The following ADGRA3 variants were observed in gnomAD, a reference collection of about 807,000 sequenced individuals.
ADGRA3 encodes the protein G-protein coupled receptor 125.
A neutral mutation model predicts 119.8 loss-of-function variants in ADGRA3; 56 were observed. That is an observed-to-expected ratio of 0.47 (90% CI 0.38 to 0.58). The LOEUF (loss-of-function observed/expected upper bound fraction) is 0.58. Among genes scored for constraint, ADGRA3 ranks in the 20% least tolerant of loss-of-function variants. The probability of loss-of-function intolerance (pLI) is 0.00; values close to 1 mark genes in which losing one functional copy is unlikely to be tolerated. For missense variants in ADGRA3, 1,516 were observed against 1,649.0 expected (o/e 0.92, Z 1.40); for synonymous variants, 607 against 623.8 (o/e 0.97, Z 0.40).
At chr4:22,459,054 G>T (rs1206453845) in intron 3 of ADGRA3, among the ~76,000 whole-genome samples, 2 of 152,074 alleles carry the variant, frequency 1.3e-5, no homozygotes, top group African/African-American at 4.8e-5. Flanking sequence ...TAATCTTACA[G>T]AATTCTGACC....
chr4:22,504,153 T>C (rs550552573), intron 1 of ADGRA3, among the ~76,000 whole-genome samples: 10 of 151,816 alleles, frequency 6.6e-5, no homozygotes, highest in Non-Finnish European at 1.2e-4. Flanking sequence ...CCCCCAACCA[T>C]GGTGAGTACT....
rs1388322431 is a variant in ADGRA3, at chr4:22,397,990, CCT to C, written c.2481+3439_2481+3440del. 5.6e-6 allele frequency: 4 copies of C among 715,396 alleles called. No individual in the cohort carries two copies. In the African/African-American group the frequency reaches 7.7e-5, roughly 14 times the overall value. 44.3% of individuals were successfully genotyped at this position (715,396 alleles called of 1,614,324 possible). On this transcript the variant is annotated intron_variant, in intron 16 of 18. Transcript: ENST00000334304. ...CCGAAACAGTAACAATAAAGTGAGA[CCT>C]GCAAGGTAAGTGGGAGTCAGCGACA... is the stretch of plus-strand genomic sequence containing the variant.
chr4:22,392,444 T>G, intron 17 of ADGRA3, 101 bp downstream of exon 17: 1 of 1,412,796 alleles, frequency 7.1e-7, no homozygotes, highest in South Asian at 1.3e-5. Flanking sequence ...ACAAGTCCGT[T>G]CTTTTACTTC....
chr4:22,456,584 G>A (rs1398514582), intron 3 of ADGRA3, among the ~76,000 whole-genome samples: 1 of 152,176 alleles, frequency 6.6e-6, no homozygotes, highest in Non-Finnish European at 1.5e-5. Flanking sequence ...ACTGGGGACT[G>A]CAAGGTCAGC....
In ADGRA3 at chr4:22,441,222, T is replaced by C. The variant is rs543147216; in HGVS notation, c.920+1428A>G. 2.0e-5 allele frequency among the ~76,000 whole-genome samples: 3 copies of C among 152,270 alleles called. No individual in the cohort carries two copies. The East Asian group carries it at 5.8e-4, about 29-fold the overall frequency. ...GTCAGGCTGGAAGCCCAAACTTCTA[T>C]GTATAAAATGCACCAAGATCTCTTA... On this transcript the variant is annotated intron_variant, in intron 7 of 18. Coordinates refer to ENST00000334304, the MANE Select transcript of ADGRA3 (RefSeq NM_145290.4).
Position 22,424,268 on chromosome 4 carries a change from C to A in ADGRA3, c.1528G>T (p.Ala510Ser). The A allele has an allele frequency of 2.5e-6, 4 of 1,613,788 alleles. No homozygotes were observed. Among genetic ancestry groups the A allele is most frequent in the Non-Finnish European group, 3.4e-6 (4 of 1,179,900 alleles). Residue 510 changes from alanine to serine, a missense_variant, in exon 11 of 19, where the codon GCC becomes TCC. Around this residue, in one of 2 missense-constraint regions of ADGRA3, gnomAD observed 1,088 missense variants for 1,107.1 expected, o/e 0.98. Transcript: ENST00000334304. ...VLWLAQREAK[A>S]CSRIVQCLQR... ...AGACACTGCACAATCCTACTGCAGG[C>A]TTTAGCTTCCCTCTGCGCCAGCCAC... is the stretch of plus-strand genomic sequence containing the variant.
intron 3 of ADGRA3, 151 bp from the exon 4 acceptor site, chr4:22,455,088 A>G (rs1014621159): frequency 1.6e-6 from 1 of 621,476 alleles, no homozygotes; most frequent in African/African-American, 1.8e-5. Flanking sequence ...TGAGATAAGG[A>G]TAGCAGTGAG....
intron 2 of ADGRA3, among the ~76,000 whole-genome samples, chr4:22,465,929 C>T (rs916675087): frequency 6.6e-6 from 1 of 151,982 alleles, no homozygotes; most frequent in African/African-American, 2.4e-5. Flanking sequence ...ATGTGGTAAC[C>T]CCCACCCTTC....
intron 16 of ADGRA3, among the ~76,000 whole-genome samples, chr4:22,395,733 T>C (rs1174016964): frequency 1.3e-5 from 2 of 152,212 alleles, no homozygotes. Context: ...CTAATGGTCC[T>C]AGTGACTTAG....
At chr4:22,391,644 T>C (rs1029258439) in intron 17 of ADGRA3, among the ~76,000 whole-genome samples, 3 of 152,148 alleles carry the variant, frequency 2.0e-5, no homozygotes, top group African/African-American at 7.2e-5. Flanking sequence ...AATGACACCA[T>C]GTCAGGCCAC....
Position 22,447,518 on chromosome 4 carries a change from G to A in ADGRA3, c.474-7C>T. ...CAAATTCCCCGAAAGGTTTCTGAAA[G>A]ACAGAAAACAATTTCACTTTTAAAA... On this transcript the variant is annotated splice_region_variant and splice_polypyrimidine_tract_variant and intron_variant, in intron 4 of 18. Coordinates refer to ENST00000334304, the MANE Select transcript of ADGRA3 (RefSeq NM_145290.4). The A allele has an allele frequency of 6.6e-7, 1 of 1,506,848 alleles. No individual in the cohort carries two copies. Among genetic ancestry groups the A allele is most frequent in the South Asian group, 1.3e-5 (1 of 78,186 alleles). The allele number at this position is 1,506,848 out of a possible 1,614,324, so 93.3% of individuals were successfully genotyped here. A position where few individuals can be genotyped will look rare whatever the true frequency, so the allele number is the denominator to read the frequency against.
At chr4:22,451,604 T>C (rs1184194328) in intron 4 of ADGRA3, among the ~76,000 whole-genome samples, 1 of 150,286 alleles carries the variant, frequency 6.7e-6, no homozygotes, top group African/African-American at 2.5e-5. Flanking sequence ...GAAAGGGTTG[T>C]TTTTTCTAAA....
intron 16 of ADGRA3, among the ~76,000 whole-genome samples, chr4:22,400,938 G>A (rs568210855): frequency 1.8e-4 from 27 of 152,192 alleles, no homozygotes; most frequent in African/African-American, 6.5e-4. Context: ...GCTGCAAGAA[G>A]ACTATTCACT....
At position 22,413,162 on chromosome 4, in the gene ADGRA3, A is replaced by T. The variant is rs761020643; in HGVS notation, c.2232+20T>A. The T allele has an allele frequency of 2.6e-6, 4 of 1,562,568 alleles. No homozygotes were observed. The highest frequency in any genetic ancestry group is 3.5e-6 in the Non-Finnish European group (4 of 1,133,102). The stretch of plus-strand genomic sequence containing the variant: ...AAAATGTAGAATAGTGTTTATGCAT[A>T]AAGTTAACAACTGCCATACCATTAA... On this transcript the variant is annotated intron_variant, in intron 14 of 18. Coordinates refer to ENST00000334304, the MANE Select transcript of ADGRA3 (RefSeq NM_145290.4).
At chr4:22,417,435 G>A (rs1259769529) in intron 12 of ADGRA3, among the ~76,000 whole-genome samples, 1 of 139,694 alleles carries the variant, frequency 7.2e-6, no homozygotes, top group Non-Finnish European at 1.5e-5. Context: ...TCTGTGCCAG[G>A]CACTGTGGTG....
At chr4:22,433,063 T>C (rs1716251120) in intron 10 of ADGRA3, among the ~76,000 whole-genome samples, 1 of 152,192 alleles carries the variant, frequency 6.6e-6, no homozygotes, top group Non-Finnish European at 1.5e-5. Context: ...TGGCCTGTGG[T>C]TCAAATTGCC....
intron 4 of ADGRA3, among the ~76,000 whole-genome samples, chr4:22,451,223 T>G (rs973618738): frequency 2.6e-5 from 4 of 152,072 alleles, no homozygotes; most frequent in African/African-American, 7.2e-5. Context: ...TAGGGAAATA[T>G]TAAAGGTATA....
At chr4:22,482,399 T>C (rs6812519) in intron 1 of ADGRA3, among the ~76,000 whole-genome samples, 2,325 of 151,968 alleles carry the variant, frequency 0.015, 60 homozygotes, top group African/African-American at 0.052. Flanking sequence ...CTTATACCTA[T>C]AATCCCAGCA....
chr4:22,399,019 T>C (rs1261557576), intron 16 of ADGRA3, among the ~76,000 whole-genome samples: 1 of 152,220 alleles, frequency 6.6e-6, no homozygotes, highest in Non-Finnish European at 1.5e-5. Flanking sequence ...GTCCACATGT[T>C]CATCAAGACT....
Sources: allele counts gnomAD v4.1 joint callset (sites outside exome capture counted in the v4.1 genomes callset), GRCh38; gene constraint gnomAD v4.1.1; regional missense constraint gnomAD v4.1.1; transcripts MANE v1.5; gene names NCBI Gene and HGNC (gene_info 2026-07-23, HGNC 2026-07-21).